The following RARB variants were observed in gnomAD, a reference collection of about 807,000 sequenced individuals.
The protein encoded by RARB is retinoic acid receptor beta, also known as HBV-activated protein.
RARB carries 17 observed loss-of-function variants against 51.9 expected under a neutral mutation model. The ratio of observed to expected loss-of-function variants is 0.33; its 90% confidence interval spans 0.22 to 0.49. The LOEUF (loss-of-function observed/expected upper bound fraction) is 0.49, where lower values mean the gene tolerates loss of function less well. Among genes scored for constraint, RARB ranks in the 20% least tolerant of loss-of-function variants. The pLI is 0.99. For missense variants in RARB, 369 were observed against 550.8 expected (o/e 0.67, Z 3.30); for synonymous variants, 215 against 195.4 (o/e 1.10, Z -0.84).
intron 3 of RARB, among the ~76,000 whole-genome samples, chr3:25,109,163 A>C (rs56098835): frequency 0.15 from 22,652 of 152,218 alleles, 2,216 homozygotes; most frequent in Non-Finnish European, 0.23. Context: ...AAGCGTTCAA[A>C]TGGGTAGGTA....
intron 2 of RARB, among the ~76,000 whole-genome samples, chr3:25,015,387 T>C (rs771489850): frequency 1.4e-4 from 22 of 152,170 alleles, no homozygotes; most frequent in Non-Finnish European, 2.9e-4. Context: ...GAATATTTCA[T>C]TGGGAGAGAA....
chr3:24,937,785 A>C (rs1695576715), intron 2 of RARB, among the ~76,000 whole-genome samples: 1 of 152,142 alleles, frequency 6.6e-6, no homozygotes, highest in Admixed American at 6.5e-5. Context: ...ATTGTTTGGC[A>C]TGCAGAGTTT....
At chr3:24,831,621 T>A (rs1559366188) in intron 1 of RARB, among the ~76,000 whole-genome samples, 1 of 151,336 alleles carries the variant, frequency 6.6e-6, no homozygotes, top group East Asian at 1.9e-4. Flanking sequence ...CAAAAAAAAA[T>A]ACATGATGCT....
chr3:24,994,305 T>C (rs1046131287), intron 2 of RARB, among the ~76,000 whole-genome samples: 13 of 52,376 alleles, frequency 2.5e-4, no homozygotes, highest in Non-Finnish European at 6.5e-5. Context: ...GTTTGACTTA[T>C]TTGAGAAATG....
chr3:24,880,046 A>G (rs1046397848), intron 2 of RARB, among the ~76,000 whole-genome samples: 1 of 152,096 alleles, frequency 6.6e-6, no homozygotes, highest in Non-Finnish European at 1.5e-5. Flanking sequence ...CCTTAGCTCT[A>G]CGTTCCTGGT....
chr3:25,180,861 A>C (rs1297241634), intron 5 of RARB, among the ~76,000 whole-genome samples: 2 of 152,236 alleles, frequency 1.3e-5, no homozygotes, highest in African/African-American at 4.8e-5. Context: ...TCCCAGACCA[A>C]CCAATGGTCA....
At chr3:24,889,870 C>G (rs544936662) in intron 2 of RARB, among the ~76,000 whole-genome samples, 5 of 148,952 alleles carry the variant, frequency 3.4e-5, no homozygotes, top group African/African-American at 1.2e-4. Context: ...TTTTGGCAGA[C>G]CATTCTAAGA....
At chr3:25,341,441 A>T (rs1381399375) in intron 5 of RARB, among the ~76,000 whole-genome samples, 1 of 152,134 alleles carries the variant, frequency 6.6e-6, no homozygotes, top group African/African-American at 2.4e-5. Flanking sequence ...AGAATTTGCC[A>T]CCTATTTTGT....
intron 1 of RARB, among the ~76,000 whole-genome samples, chr3:24,842,593 A>G (rs1161358908): frequency 6.6e-6 from 1 of 152,160 alleles, no homozygotes; most frequent in Non-Finnish European, 1.5e-5. Context: ...GTTAAGTAAT[A>G]GTCCTCTTGA....
chr3:24,954,271 C>A (rs992028177), intron 2 of RARB, among the ~76,000 whole-genome samples: 1 of 151,986 alleles, frequency 6.6e-6, no homozygotes, highest in African/African-American at 2.4e-5. Flanking sequence ...CTTGAAAAAC[C>A]CACCTCAAAA....
At chr3:25,246,247 C>G (rs1025680491) in intron 5 of RARB, among the ~76,000 whole-genome samples, 1 of 151,978 alleles carries the variant, frequency 6.6e-6, no homozygotes, top group Non-Finnish European at 1.5e-5. Flanking sequence ...TCTTAGCTTC[C>G]TTGCATTGGA....
chr3:25,262,350 A>G lies in RARB; in HGVS notation c.178+87775A>G, dbSNP rs140208398. On this transcript the variant is annotated intron_variant, in intron 5 of 11. Transcript: ENST00000383772. ...CTTTTTCACCTGCAAGTTAGGCTCT[A>G]TCCTGTGTCGATTTTTCGTGTCTGC... Among the ~76,000 whole-genome samples, 335 of 152,214 alleles carry G rather than the reference A, an allele frequency of 2.2e-3. 4 individuals are homozygous for G. The highest frequency in any genetic ancestry group is 7.6e-3 in the African/African-American group (316 of 41,542).
At chr3:25,222,786 C>T (rs942621933) in intron 5 of RARB, among the ~76,000 whole-genome samples, 1 of 152,094 alleles carries the variant, frequency 6.6e-6, no homozygotes, top group African/African-American at 2.4e-5. Context: ...CAGTAACATT[C>T]TTCATAGTGA....
intron 5 of RARB, among the ~76,000 whole-genome samples, chr3:25,413,560 C>A (rs1301706912): frequency 2.0e-5 from 3 of 152,164 alleles, no homozygotes; most frequent in Non-Finnish European, 4.4e-5. Context: ...TGACAAATGA[C>A]TTTCCAAGAT....
intron 1 of RARB, among the ~76,000 whole-genome samples, chr3:25,451,573 C>T (rs1189094226): frequency 2.6e-5 from 4 of 152,158 alleles, no homozygotes; most frequent in Non-Finnish European, 5.9e-5. Context: ...GTAAGCCAAG[C>T]ATTATTTTAT....
intron 3 of RARB, among the ~76,000 whole-genome samples, chr3:25,518,155 G>T (rs998405338): frequency 6.6e-6 from 1 of 152,116 alleles, no homozygotes; most frequent in Non-Finnish European, 1.5e-5. Flanking sequence ...TTAAAAAACC[G>T]ATGATTTTAA....
chr3:24,849,412 T>C (rs958266343), intron 1 of RARB, among the ~76,000 whole-genome samples: 3 of 152,226 alleles, frequency 2.0e-5, no homozygotes, highest in Non-Finnish European at 4.4e-5. Context: ...AAGCTGCTGG[T>C]TCCAGTTATT....
chr3:25,110,115 G>A (rs965630310), intron 3 of RARB, among the ~76,000 whole-genome samples: 1 of 152,068 alleles, frequency 6.6e-6, no homozygotes, highest in East Asian at 1.9e-4. Context: ...TGACTGAAAC[G>A]TTCATACCAG....
chr3:25,073,112 T>C (rs1181102119), intron 3 of RARB, among the ~76,000 whole-genome samples: 2 of 152,032 alleles, frequency 1.3e-5, no homozygotes, highest in Non-Finnish European at 2.9e-5. Context: ...GAACAAGAAT[T>C]CCAAAGTCAA....
Sources: allele counts gnomAD v4.1 joint callset (sites outside exome capture counted in the v4.1 genomes callset), GRCh38; gene constraint gnomAD v4.1.1; transcripts MANE v1.5; gene names NCBI Gene and HGNC (gene_info 2026-07-23, HGNC 2026-07-21).